The following TMLHE variants were observed in gnomAD, a reference collection of about 807,000 sequenced individuals.
TMLHE encodes the protein trimethyllysine dioxygenase, mitochondrial.
Under a neutral mutation model 25.7 loss-of-function variants are expected in TMLHE, and 18 were observed. That is an observed-to-expected ratio of 0.70 (90% CI 0.48 to 1.04). The LOEUF (loss-of-function observed/expected upper bound fraction) is 1.04, where lower values mean the gene tolerates loss of function less well. Among genes scored for constraint, TMLHE ranks in the 50% least tolerant of loss-of-function variants. The probability of loss-of-function intolerance (pLI) is 0.00; values close to 1 mark genes in which losing one functional copy is unlikely to be tolerated. For synonymous variants in TMLHE, 105 were observed against 97.0 expected (o/e 1.08, Z -0.49); for missense variants, 236 against 259.0 (o/e 0.91, Z 0.61).
At chrX:155,553,038 C>T (rs2067425445) in intron 1 of TMLHE, among the ~76,000 whole-genome samples, 1 of 110,496 alleles carries the variant, frequency 9.1e-6, no homozygotes, top group African/African-American at 3.3e-5. Context: ...TTCTTGTTTT[C>T]TAACTTAATG....
At chrX:155,575,680 G>C (rs1338942086) in intron 1 of TMLHE, among the ~76,000 whole-genome samples, 2 of 111,959 alleles carry the variant, frequency 1.8e-5, no homozygotes, top group Admixed American at 1.9e-4. Flanking sequence ...TTTACCCCTG[G>C]GATGCAAGTT....
At chrX:155,552,978 C>G (rs781913744) in intron 1 of TMLHE, among the ~76,000 whole-genome samples, 1 of 110,552 alleles carries the variant, frequency 9.0e-6, no homozygotes, top group African/African-American at 3.3e-5. Flanking sequence ...ATTTGGCCCA[C>G]AGGTTATTTT....
intron 1 of TMLHE, among the ~76,000 whole-genome samples, chrX:155,593,986 G>A (rs1416098807): frequency 9.0e-6 from 1 of 111,106 alleles, no homozygotes; most frequent in Non-Finnish European, 1.9e-5. Context: ...AATACATGAA[G>A]AAGAACAGAG....
intron 1 of TMLHE, among the ~76,000 whole-genome samples, chrX:155,583,225 G>T (rs980562523): frequency 9.0e-6 from 1 of 111,386 alleles, no homozygotes; most frequent in Non-Finnish European, 1.9e-5. Flanking sequence ...TAATGTAAAT[G>T]ATGAGTTAAT....
chrX:155,593,152 C>G (rs1230950369), intron 1 of TMLHE, among the ~76,000 whole-genome samples: 1 of 111,895 alleles, frequency 8.9e-6, no homozygotes, highest in Non-Finnish European at 1.9e-5. Context: ...CCAGCCTGCA[C>G]CCCTGGCCCA....
intron 4 of TMLHE, among the ~76,000 whole-genome samples, chrX:155,513,060 C>T (rs782607765): frequency 3.6e-5 from 4 of 111,338 alleles, no homozygotes; most frequent in Admixed American, 9.6e-5. Context: ...GTTTCTTTCA[C>T]TTGAAAGTTC....
At chrX:155,553,921 A>C (rs782049267) in intron 1 of TMLHE, among the ~76,000 whole-genome samples, 3 of 110,807 alleles carry the variant, frequency 2.7e-5, no homozygotes, top group Non-Finnish European at 5.7e-5. Flanking sequence ...TCCTCCCTCA[A>C]GTGCTATTAT....
chrX:155,549,794 G>C (rs2067401038), intron 1 of TMLHE, among the ~76,000 whole-genome samples: 1 of 109,610 alleles, frequency 9.1e-6, no homozygotes, highest in Admixed American at 9.7e-5. Context: ...TTGTTACATA[G>C]GTATACAAAC....
intron 1 of TMLHE, among the ~76,000 whole-genome samples, chrX:155,571,211 C>T (rs1320215406): frequency 1.7e-5 from 1 of 57,303 alleles, no homozygotes; most frequent in Non-Finnish European, 4.5e-5. Flanking sequence ...AACACCTCTA[C>T]ACAAATAAAC....
chrX:155,572,953 A>T (rs2067564994), intron 1 of TMLHE, among the ~76,000 whole-genome samples: 1 of 57,844 alleles, frequency 1.7e-5, no homozygotes, highest in Non-Finnish European at 4.5e-5. Context: ...AAAACACCAA[A>T]AGCAATGGCA....
rs1252755397 is a variant in TMLHE at position 155,568,612 on chromosome X, G to T, written c.-1-23335C>A. Among the ~76,000 whole-genome samples the T allele has an allele frequency of 3.2e-5, 2 of 61,827 alleles. 1 individual carries two copies. The allele number at this position is 61,827 out of a possible 115,157, so 53.7% of individuals were successfully genotyped here. On this transcript the variant is annotated intron_variant, in intron 1 of 7. Coordinates refer to ENST00000334398, the MANE Select transcript of TMLHE (RefSeq NM_018196.4). ...GTAGGGGCAGACTGACACCTCACAC[G>T]GCTGGGTACTCCTCTGAGACAAAAC...
At chrX:155,611,941 G>A (rs1489895482) in intron 1 of TMLHE, among the ~76,000 whole-genome samples, 1 of 111,765 alleles carries the variant, frequency 8.9e-6, no homozygotes, top group African/African-American at 3.3e-5. Flanking sequence ...GTATGGGAGT[G>A]GATTATGAAA....
At chrX:155,555,254 A>C (rs1378124121) in intron 1 of TMLHE, among the ~76,000 whole-genome samples, 51 of 110,475 alleles carry the variant, frequency 4.6e-4, no homozygotes, top group African/African-American at 1.7e-3. Context: ...ATATGTACCA[A>C]ATTTTCTTAA....
At chrX:155,543,357 C>A (rs1267446392) in intron 2 of TMLHE, among the ~76,000 whole-genome samples, 1 of 111,445 alleles carries the variant, frequency 9.0e-6, no homozygotes, top group Non-Finnish European at 1.9e-5. Context: ...AATCAACATA[C>A]AAAAATCATT....
chrX:155,555,783 T>C (rs1463821056), intron 1 of TMLHE, among the ~76,000 whole-genome samples: 3 of 110,732 alleles, frequency 2.7e-5, no homozygotes, highest in East Asian at 2.8e-4. Flanking sequence ...CTTTGTCAGA[T>C]GGGTAGACTG....
intron 1 of TMLHE, among the ~76,000 whole-genome samples, chrX:155,548,611 T>A (rs1280531014): frequency 9.2e-6 from 1 of 108,661 alleles, no homozygotes; most frequent in Middle Eastern, 4.2e-3. Context: ...GGCACACACC[T>A]GTATTCCCAG....
chrX:155,548,580 C>CA (rs1320266389), intron 1 of TMLHE, among the ~76,000 whole-genome samples: 2 of 108,423 alleles, frequency 1.8e-5, no homozygotes, highest in East Asian at 2.9e-4. Context: ...CTAAAAAATA[C>CA]AAAAATTAGC....
chrX:155,512,877 T>A, intron 4 of TMLHE, among the ~76,000 whole-genome samples: 1 of 111,939 alleles, frequency 8.9e-6, no homozygotes, highest in Middle Eastern at 4.6e-3. Context: ...ACATCATATA[T>A]TTTGATTTTG....
chrX:155,601,894 T>C (rs1270281862), intron 1 of TMLHE, among the ~76,000 whole-genome samples: 3 of 110,337 alleles, frequency 2.7e-5, no homozygotes, highest in African/African-American at 9.9e-5. Context: ...GTTAAACTGA[T>C]ATCTAGTATC....
Sources: allele counts gnomAD v4.1 joint callset (sites outside exome capture counted in the v4.1 genomes callset), GRCh38; gene constraint gnomAD v4.1.1; transcripts MANE v1.5; gene names NCBI Gene and HGNC (gene_info 2026-07-23, HGNC 2026-07-21).